The following SLC38A4 variants were observed in gnomAD, a reference collection of about 807,000 sequenced individuals.
The protein encoded by SLC38A4 is solute carrier family 38 member 4.
SLC38A4 carries 20 observed loss-of-function variants against 63.1 expected under a neutral mutation model. That is an observed-to-expected ratio of 0.32 (90% CI 0.22 to 0.46). The LOEUF is 0.46. Ranked by LOEUF, SLC38A4 falls within the 20% of genes least tolerant of loss-of-function variation. SLC38A4 has a pLI of 1.00. For synonymous variants in SLC38A4, 230 were observed against 225.5 expected (o/e 1.02, Z -0.18); for missense variants, 526 against 663.6 (o/e 0.79, Z 2.28).
At chr12:46,800,780 C>T (rs1939117069) in intron 2 of SLC38A4, among the ~76,000 whole-genome samples, 1 of 152,070 alleles carries the variant, frequency 6.6e-6, no homozygotes, top group Admixed American at 6.6e-5. Flanking sequence ...TAGCACAGTG[C>T]CTAGTGTTAC....
Position 46,766,526 on chromosome 12 carries a change from T to G in SLC38A4, c.*175A>C. The G allele has an allele frequency of 1.5e-6, 1 of 685,604 alleles. No individual in the cohort carries two copies. Among genetic ancestry groups the G allele is most frequent in the Non-Finnish European group, 2.7e-6 (1 of 374,170 alleles). 42.5% of individuals were successfully genotyped at this position (685,604 alleles called of 1,614,324 possible). On this transcript the variant is annotated 3_prime_UTR_variant, in exon 17 of 17. Transcript: ENST00000266579. The stretch of plus-strand genomic sequence containing the variant: ...TTTTAAACACATACACAACCATCCT[T>G]GACAAAAACAGTGATTTTCCTCTTC...
At chr12:46,813,445 C>T (rs577047992) in intron 1 of SLC38A4, among the ~76,000 whole-genome samples, 4 of 152,100 alleles carry the variant, frequency 2.6e-5, no homozygotes, top group Admixed American at 2.6e-4. Flanking sequence ...AACACATTGA[C>T]TCTGGAGTTC....
intron 1 of SLC38A4, among the ~76,000 whole-genome samples, chr12:46,807,759 T>C (rs1229637621): frequency 1.3e-5 from 2 of 152,032 alleles, no homozygotes; most frequent in African/African-American, 4.8e-5. Flanking sequence ...AGCTGTCATA[T>C]TATTTGTATC....
chr12:46,793,120 A>G lies in SLC38A4; in HGVS notation c.-49T>C. The G allele has an allele frequency of 7.7e-7, 1 of 1,300,140 alleles. No individual in the cohort carries two copies. The highest frequency in any genetic ancestry group is 2.3e-5 in the East Asian group (1 of 43,232). The allele number at this position is 1,300,140 out of a possible 1,614,324, so 80.5% of individuals were successfully genotyped here. A position where few individuals can be genotyped will look rare whatever the true frequency, so the allele number is the denominator to read the frequency against. On this transcript the variant is annotated 5_prime_UTR_variant, in exon 3 of 17. Coordinates refer to ENST00000266579, the MANE Select transcript of SLC38A4 (RefSeq NM_018018.5). Reference sequence around the variant, plus strand: ...CCACACACAAGCCCCTTCAGTGTAAATAATATACTGTACCTTCAGCTTAAG... The same window carrying G: ...CCACACACAAGCCCCTTCAGTGTAAGTAATATACTGTACCTTCAGCTTAAG...
rs770362299 is a variant in SLC38A4, at chr12:46,776,914, T to C, written c.1164A>G (p.Leu388=). Residue 388 remains leucine, a synonymous_variant, in exon 13 of 17, where the codon CTA becomes CTG. Transcript: ENST00000266579. ...MYLLAALFGY[L]TFYGEVEDEL... is the part of the protein sequence containing the mutation. ...TTCAGAGTGACCTACCATAGAAGGT[T>C]AGGTAACCAAAGAGGGCGGCAAGCA... The C allele has an allele frequency of 1.2e-6, 2 of 1,611,858 alleles. No individual in the cohort carries two copies. Among genetic ancestry groups the C allele is most frequent in the Non-Finnish European group, 1.7e-6 (2 of 1,178,570 alleles).
At chr12:46,785,741 T>TCG (rs1938747110) in intron 5 of SLC38A4, among the ~76,000 whole-genome samples, 1 of 126,710 alleles carries the variant, frequency 7.9e-6, no homozygotes, top group Non-Finnish European at 1.6e-5. Context: ...AAAATTCCTT[T>TCG]TTTTTTTTTT....
At chr12:46,823,233 C>T (rs145440322) in intron 1 of SLC38A4, among the ~76,000 whole-genome samples, 3 of 152,176 alleles carry the variant, frequency 2.0e-5, no homozygotes, top group South Asian at 2.1e-4. Context: ...TGTTTGGTCT[C>T]GTGACTTACA....
At chr12:46,772,110 G>A (rs1938429078) in intron 14 of SLC38A4, among the ~76,000 whole-genome samples, 1 of 150,222 alleles carries the variant, frequency 6.7e-6, no homozygotes, top group South Asian at 2.1e-4. Context: ...ACAGGAGGAA[G>A]TGAGAGTCTT....
At chr12:46,802,025 C>G (rs967721592) in intron 2 of SLC38A4, among the ~76,000 whole-genome samples, 5 of 151,958 alleles carry the variant, frequency 3.3e-5, no homozygotes, top group African/African-American at 1.2e-4. Context: ...AGATAAATAA[C>G]CAAATACTAA....
In SLC38A4 at chr12:46,777,007, G is replaced by A. The variant is rs2120765433; in HGVS notation, c.1074-3C>T. ...TTTGCATTTTTCTCCGGGACCGACT[G>A]GAAAAAGAAAGAACACCAAGCTTTG... is the stretch of plus-strand genomic sequence containing the variant. On this transcript the variant is annotated splice_region_variant and splice_polypyrimidine_tract_variant and intron_variant, in intron 12 of 16. Transcript: ENST00000266579. The A allele has an allele frequency of 1.2e-6, 2 of 1,604,910 alleles. No homozygotes were observed. Among genetic ancestry groups the A allele is most frequent in the South Asian group, 1.1e-5 (1 of 89,364 alleles).
At chr12:46,771,275 G>C (rs1238747652) in intron 14 of SLC38A4, among the ~76,000 whole-genome samples, 2 of 152,034 alleles carry the variant, frequency 1.3e-5, no homozygotes, top group African/African-American at 4.8e-5. Flanking sequence ...GCTTTTTATG[G>C]TATATACATA....
rs766286842 is a variant in SLC38A4, at chr12:46,768,359, T to C, written c.1493A>G (p.Tyr498Cys). 3 of 1,611,572 alleles carry C rather than the reference T, an allele frequency of 1.9e-6. No individual in the cohort carries two copies. The highest frequency in any genetic ancestry group is 2.2e-5 in the East Asian group (1 of 44,764). The change falls in exon 16 of 17, where the codon TAT (tyrosine) becomes TGT (cysteine). Residue 498 changes from tyrosine to cysteine, a missense_variant. Tyr to Cys is a radical substitution (Grantham distance 194). Transcript: ENST00000266579. ...MLIFILPAVF[Y>C]LKLVKKETFR... ...AGTTTCTTTCTTGACAAGTTTAAGATAAAAAACTGCTGGAAGAATAAAAAT... is the reference window on the plus strand; with the variant it reads ...AGTTTCTTTCTTGACAAGTTTAAGACAAAAAACTGCTGGAAGAATAAAAAT...
At chr12:46,769,483 T>C (rs1938366842) in intron 14 of SLC38A4, 55 bp from the exon 15 acceptor site, 1 of 1,562,334 alleles carries the variant, frequency 6.4e-7, no homozygotes, top group Non-Finnish European at 8.8e-7. Flanking sequence ...ACTTTATCTA[T>C]TACTTCAAAT....
intron 1 of SLC38A4, among the ~76,000 whole-genome samples, chr12:46,824,887 A>G (rs189303544): frequency 6.0e-4 from 92 of 152,362 alleles, no homozygotes; most frequent in Non-Finnish European, 6.2e-4. Context: ...AATGGCATAG[A>G]AACTATACAC....
intron 7 of SLC38A4, among the ~76,000 whole-genome samples, chr12:46,782,966 A>C (rs564198623): frequency 2.1e-5 from 3 of 143,672 alleles, no homozygotes; most frequent in African/African-American, 7.8e-5. Context: ...CAGAGGAACT[A>C]GTATTTACCA....
intron 1 of SLC38A4, among the ~76,000 whole-genome samples, chr12:46,831,326 C>G (rs1939728632): frequency 2.0e-5 from 3 of 152,252 alleles, no homozygotes; most frequent in Admixed American, 2.0e-4. Context: ...TCCCTCTCCC[C>G]CGTCTCACTT....
chr12:46,788,471 T>C lies in SLC38A4; in HGVS notation c.210+57A>G, dbSNP rs150546759. On this transcript the variant is annotated intron_variant, in intron 4 of 16. Transcript: ENST00000266579. ...GTCACATTGTTTTCCCACAGAGACC[T>C]AGGTAGATCAGACACCCTCAGTCCC... The C allele has an allele frequency of 1.5e-4, 206 of 1,361,068 alleles. 5 individuals are homozygous for C. The East Asian group carries it at 1.7e-3, about 11-fold the overall frequency. 84.3% of individuals were successfully genotyped at this position (1,361,068 alleles called of 1,614,324 possible).
At chr12:46,829,955 T>G (rs1401993594), upstream of SLC38A4, among the ~76,000 whole-genome samples, 1 of 152,210 alleles carries the variant, frequency 6.6e-6, no homozygotes, top group Non-Finnish European at 1.5e-5. Context: ...GGTCAAATGT[T>G]AACATAAAGG....
At chr12:46,792,292 TG>T (rs1295985700) in intron 3 of SLC38A4, among the ~76,000 whole-genome samples, 2 of 152,146 alleles carry the variant, frequency 1.3e-5, no homozygotes, top group Non-Finnish European at 2.9e-5. Flanking sequence ...TGGATATGAC[TG>T]ACCGTTGGCT....
Sources: allele counts gnomAD v4.1 joint callset (sites outside exome capture counted in the v4.1 genomes callset), GRCh38; gene constraint gnomAD v4.1.1; transcripts MANE v1.5; gene names NCBI Gene and HGNC (gene_info 2026-07-23, HGNC 2026-07-21).